The following MON1B variants were observed in gnomAD, a reference collection of about 807,000 sequenced individuals.
MON1B encodes vacuolar fusion protein MON1 homolog B.
In MON1B, 26 loss-of-function variants were observed where a neutral mutation model predicts 45.1. That is an observed-to-expected ratio of 0.58 (90% confidence interval 0.42 to 0.80). The LOEUF is 0.80. MON1B is among the 30% of genes least tolerant of loss of function. The pLI is 0.00. For missense variants in MON1B, 737 were observed against 754.5 expected (o/e 0.98, Z 0.27); for synonymous variants, 395 against 320.2 (o/e 1.23, Z -2.49).
At position 77,198,574 on chromosome 16, in the gene MON1B, TTGG is replaced by T; in HGVS notation, c.*267_*269del. 1 of 503,626 alleles carries T rather than the reference TTGG, an allele frequency of 2.0e-6. No individual in the cohort carries two copies. The highest frequency in any genetic ancestry group is 3.6e-6 in the Non-Finnish European group (1 of 276,524). The allele number at this position is 503,626 out of a possible 1,614,324, so 31.2% of individuals were successfully genotyped here. ...CTTCCCTCTGTCTCATCTCCTCCAC[TTGG>T]ATGATGCTCTAGCCTCTGTCAGGGA... On this transcript the variant is annotated 3_prime_UTR_variant, in exon 6 of 6. Coordinates refer to ENST00000248248, the MANE Select transcript of MON1B (RefSeq NM_014940.4).
chr16:77,191,450 T>A, intron 1 of MON1B, 26 bp from the exon 2 acceptor site: 1 of 1,581,752 alleles, frequency 6.3e-7, no homozygotes, highest in Middle Eastern at 2.1e-4. Flanking sequence ...TCACCGCCCG[T>A]CACCCTCGAT....
Position 77,201,683 on chromosome 16 carries a change from A to C in MON1B, c.*3375A>C, listed in dbSNP as rs189992058. ...TTGATGTAGGCACAACACAAGAAGT[A>C]GTCACAGAAATTGCTAAGTCTAGGT... On this transcript the variant is annotated 3_prime_UTR_variant, in exon 6 of 6. Coordinates refer to ENST00000248248, the MANE Select transcript of MON1B (RefSeq NM_014940.4). 71 of 152,340 alleles carry C rather than the reference A, an allele frequency of 4.7e-4. No individual in the cohort carries two copies. The highest frequency in any genetic ancestry group is 1.5e-3 in the African/African-American group (64 of 41,574). 9.4% of individuals were successfully genotyped at this position (152,340 alleles called of 1,614,324 possible). A position where few individuals can be genotyped will look rare whatever the true frequency, so the allele number is the denominator to read the frequency against.
chr16:77,195,723 C>G (rs1183780101), intron 5 of MON1B, 41 bp downstream of exon 5: 1 of 1,607,572 alleles, frequency 6.2e-7, no homozygotes, highest in Non-Finnish European at 8.5e-7. Flanking sequence ...TTCCCCACTT[C>G]AAGCCTCCTT....
At position 77,199,421 on chromosome 16, in the gene MON1B, C is replaced by G. The variant is rs1020972362; in HGVS notation, c.*1113C>G. On this transcript the variant is annotated 3_prime_UTR_variant, in exon 6 of 6. Transcript: ENST00000248248. ...GTTTCTTTTTTAACCAGTCATCAAGCGAGGCTCGCGCGCAGGCCCCGCGTT... is the reference window on the plus strand; with the variant it reads ...GTTTCTTTTTTAACCAGTCATCAAGGGAGGCTCGCGCGCAGGCCCCGCGTT... The G allele has an allele frequency of 1.0e-5, 16 of 1,550,008 alleles. No individual in the cohort carries two copies. Among genetic ancestry groups the G allele is most frequent in the Non-Finnish European group, 1.0e-5 (12 of 1,146,050 alleles).
chr16:77,196,248 C>T (rs531173987), intron 5 of MON1B, among the ~76,000 whole-genome samples: 9 of 151,268 alleles, frequency 5.9e-5, no homozygotes, highest in Admixed American at 2.6e-4. Flanking sequence ...TAATTTATTG[C>T]GTGACTGCTG....
At chr16:77,192,312 T>A (rs762643497) in intron 2 of MON1B, among the ~76,000 whole-genome samples, 9 of 152,268 alleles carry the variant, frequency 5.9e-5, no homozygotes, top group Non-Finnish European at 1.3e-4. Context: ...AGAGCAGTTA[T>A]TAGGAGGGAG....
Position 77,195,612 on chromosome 16 carries a change from G to A in MON1B, c.1373G>A (p.Arg458His), listed in dbSNP as rs765015648. 15 of 1,613,992 alleles carry A rather than the reference G, an allele frequency of 9.3e-6. No homozygotes were observed. The highest frequency in any genetic ancestry group is 6.7e-5 in the East Asian group (3 of 44,884). ...LSDLYHRLHA[R>H]LHSTSRPLRL... ...GACCTGTACCACCGCCTGCATGCTC[G>A]TCTCCACAGCACCTCCCGACCCCTG... Residue 458 changes from arginine to histidine, a missense_variant, in exon 5 of 6, where the codon CGT (arginine) becomes CAT (histidine). By Grantham distance (29) the Arg-to-His change is conservative. Transcript: ENST00000248248.
At chr16:77,196,167 G>T (rs2054663586) in intron 5 of MON1B, among the ~76,000 whole-genome samples, 1 of 152,166 alleles carries the variant, frequency 6.6e-6, no homozygotes. Context: ...TTTGCTAAAG[G>T]TCAGCTACTA....
Position 77,199,431 on chromosome 16 carries a change from G to A in MON1B, c.*1123G>A. On this transcript the variant is annotated 3_prime_UTR_variant, in exon 6 of 6. Transcript: ENST00000248248. ...TAACCAGTCATCAAGCGAGGCTCGC[G>A]CGCAGGCCCCGCGTTGGAAAATGGC... 2 of 1,551,322 alleles carry A rather than the reference G, an allele frequency of 1.3e-6. 1 individual carries two copies. Among genetic ancestry groups the A allele is most frequent in the South Asian group, 2.4e-5 (2 of 84,036 alleles).
intron 2 of MON1B, among the ~76,000 whole-genome samples, chr16:77,192,709 G>A (rs2054626359): frequency 6.6e-6 from 1 of 152,046 alleles, no homozygotes; most frequent in Non-Finnish European, 1.5e-5. Context: ...GTAGGGGGGA[G>A]TAGACATGGA....
rs747273520 is a variant in MON1B at position 77,198,086 on chromosome 16, C to G, written c.1444-22C>G. 1.2e-5 allele frequency: 19 copies of G among 1,610,960 alleles called. No individual in the cohort carries two copies. The East Asian group carries it at 1.3e-4, about 11-fold the overall frequency. ...ATAGCCAGCTCTGGCCCATCTGACT[C>G]TGTCTCCTCCGAAACCCCCAGGTGA... On this transcript the variant is annotated intron_variant, in intron 5 of 5. Coordinates refer to ENST00000248248, the MANE Select transcript of MON1B (RefSeq NM_014940.4).
At chr16:77,195,927 G>A (rs937700161) in intron 5 of MON1B, among the ~76,000 whole-genome samples, 2 of 152,148 alleles carry the variant, frequency 1.3e-5, no homozygotes, top group Admixed American at 6.6e-5. Context: ...TAGCAACCAG[G>A]ACAGTGTCTT....
At chr16:77,196,156 G>A (rs1332380586) in intron 5 of MON1B, among the ~76,000 whole-genome samples, 4 of 152,104 alleles carry the variant, frequency 2.6e-5, no homozygotes, top group African/African-American at 4.8e-5. Flanking sequence ...CTTCCTATGG[G>A]TTTGCTAAAG....
rs769914738 is a variant in MON1B, at chr16:77,194,239, G to A, written c.476-96G>A. On this transcript the variant is annotated intron_variant, in intron 3 of 5. Coordinates refer to ENST00000248248, the MANE Select transcript of MON1B (RefSeq NM_014940.4). The surrounding 1 kb of genome is among the most constrained non-coding windows in gnomAD (Gnocchi z 8.1). ...GTGAGCATGTGGACTCGGGCCTGGT[G>A]TGTGTATGGTAGGAGAGGGCAGAAG... is the stretch of plus-strand genomic sequence containing the variant. 1 of 1,112,078 alleles carries A rather than the reference G, an allele frequency of 9.0e-7. No homozygotes were observed. Among genetic ancestry groups the A allele is most frequent in the African/African-American group, 1.5e-5 (1 of 65,452 alleles). The allele number at this position is 1,112,078 out of a possible 1,614,324, so 68.9% of individuals were successfully genotyped here. A position where few individuals can be genotyped will look rare whatever the true frequency, so the allele number is the denominator to read the frequency against.
Position 77,193,287 on chromosome 16 carries a change from T to G in MON1B, c.149-164T>G. ...AATGTTAGTGGAGATCATTGCGGGGTCCTAGGGCAGTCATCGGGTCATTGA... is the reference window on the plus strand; with the variant it reads ...AATGTTAGTGGAGATCATTGCGGGGGCCTAGGGCAGTCATCGGGTCATTGA... On this transcript the variant is annotated intron_variant, in intron 2 of 5. Coordinates refer to ENST00000248248, the MANE Select transcript of MON1B (RefSeq NM_014940.4). This position sits in a 1 kb window ranked among gnomAD's most constrained non-coding sequence, Gnocchi z 5.0. The G allele has an allele frequency of 1.6e-6, 1 of 627,770 alleles. No homozygotes were observed. Among genetic ancestry groups the G allele is most frequent in the South Asian group, 2.2e-5 (1 of 46,162 alleles). The allele number at this position is 627,770 out of a possible 1,614,324, so 38.9% of individuals were successfully genotyped here.
At chr16:77,191,426 T>C (rs2054613347) in intron 1 of MON1B, 50 bp from the exon 2 acceptor site, 9 of 1,573,168 alleles carry the variant, frequency 5.7e-6, no homozygotes, top group African/African-American at 1.4e-5. Context: ...ATAAAGGCTT[T>C]TCAGAAGTTT....
rs184263259 is a variant in MON1B, at chr16:77,193,060, G to A, written c.149-391G>A. Among the ~76,000 whole-genome samples, 2 of 152,076 alleles carry A rather than the reference G, an allele frequency of 1.3e-5. No homozygotes were observed. The highest frequency in any genetic ancestry group is 4.8e-5 in the African/African-American group (2 of 41,450). On this transcript the variant is annotated intron_variant, in intron 2 of 5. Coordinates refer to ENST00000248248, the MANE Select transcript of MON1B (RefSeq NM_014940.4). This position sits in a 1 kb window ranked among gnomAD's most constrained non-coding sequence, Gnocchi z 5.0. ...GCCATTGGGTGAGCAGATATCAGGAGAAAAAATAGCGGTCAGAGGAGTTAA... is the reference window on the plus strand; with the variant it reads ...GCCATTGGGTGAGCAGATATCAGGAAAAAAAATAGCGGTCAGAGGAGTTAA...
Position 77,194,915 on chromosome 16 carries a change from G to A in MON1B, c.1056G>A (p.Leu352=). ...RLDAMPVCLL[L]LGTQREAFHA... is the part of the protein sequence containing the mutation. ...ATGCTATGCCTGTCTGCCTGCTGCTGCTTGGCACCCAACGTGAAGCCTTCC... is the reference window on the plus strand; with the variant it reads ...ATGCTATGCCTGTCTGCCTGCTGCTACTTGGCACCCAACGTGAAGCCTTCC... The change falls in exon 4 of 6, where the codon CTG becomes CTA. Residue 352 remains leucine, a synonymous_variant. Transcript: ENST00000248248. This position sits in a 1 kb window ranked among gnomAD's most constrained non-coding sequence, Gnocchi z 8.1. The A allele has an allele frequency of 6.2e-7, 1 of 1,613,504 alleles. No homozygotes were observed. The highest frequency in any genetic ancestry group is 2.2e-5 in the East Asian group (1 of 44,858).
rs2054703574 is a variant in MON1B at position 77,199,387 on chromosome 16, C to T, written c.*1079C>T. The T allele has an allele frequency of 6.7e-7, 1 of 1,499,742 alleles. No individual in the cohort carries two copies. Among genetic ancestry groups the T allele is most frequent in the Non-Finnish European group, 9.1e-7 (1 of 1,102,558 alleles). 92.9% of individuals were successfully genotyped at this position (1,499,742 alleles called of 1,614,324 possible). A position where few individuals can be genotyped will look rare whatever the true frequency, so the allele number is the denominator to read the frequency against. Reference sequence around the variant, plus strand: ...GCATGCGTGCTGAAAAGCCTTTCACCCTCACGTGGTTTCTTTTTTAACCAG... The same window carrying T: ...GCATGCGTGCTGAAAAGCCTTTCACTCTCACGTGGTTTCTTTTTTAACCAG... On this transcript the variant is annotated 3_prime_UTR_variant, in exon 6 of 6. Coordinates refer to ENST00000248248, the MANE Select transcript of MON1B (RefSeq NM_014940.4).
Sources: gnomAD v4.1 joint callset for allele counts (sites outside exome capture counted in the v4.1 genomes callset) on GRCh38, gnomAD v4.1.1 for gene constraint, Gnocchi (gnomAD v3.1) non-coding constraint, MANE v1.5 for transcripts, NCBI Gene and HGNC (gene_info 2026-07-23, HGNC 2026-07-21) for gene names.